CYP2B6: variants seen among roughly 807,000 people sequenced by gnomAD.
CYP2B6 encodes cytochrome P450 family 2 subfamily B member 6, also known as cytochrome P450 2B6.
Under a neutral mutation model 43.4 loss-of-function variants are expected in CYP2B6, and 35 were observed. That is an observed-to-expected ratio of 0.81 (90% confidence interval 0.62 to 1.07). The LOEUF (loss-of-function observed/expected upper bound fraction) is 1.07, where lower values mean the gene tolerates loss of function less well. Ranked by LOEUF, CYP2B6 falls within the 50% of genes least tolerant of loss-of-function variation. CYP2B6 has a pLI of 0.00. For missense variants in CYP2B6, 624 were observed against 632.8 expected (o/e 0.99, Z 0.15); for synonymous variants, 239 against 239.2 (o/e 1.00, Z 0.01).
chr19:41,002,236 C>G lies in CYP2B6; in HGVS notation c.172-1765C>G, dbSNP rs571001867. 1.6e-4 allele frequency among the ~76,000 whole-genome samples: 25 copies of G among 152,110 alleles called. 1 individual carries two copies. Among genetic ancestry groups the G allele is most frequent in the Admixed American group, 1.0e-3 (16 of 15,286 alleles). On this transcript the variant is annotated intron_variant, in intron 1 of 8. Transcript: ENST00000324071. ...TACCCTGGCTTGTGGGGCAGTGAAA[C>G]AATTGTTAAGTGGAGTAAGCATGTC... is the stretch of plus-strand genomic sequence containing the variant.
Position 41,018,329 on chromosome 19 carries a change from C to T in CYP2B6, c.*1502C>T, listed in dbSNP as rs1329035123. The T allele has an allele frequency of 6.6e-6, 1 of 152,268 alleles. No individual in the cohort carries two copies. The highest frequency in any genetic ancestry group is 6.5e-5 in the Admixed American group (1 of 15,268). The allele number at this position is 152,268 out of a possible 1,614,324, so 9.4% of individuals were successfully genotyped here. Reference sequence around the variant, plus strand: ...GGATTCTGCACTGGTGCTTTGGATTCCCTGATATGTTCCTTCAAATCTGCT... The same window carrying T: ...GGATTCTGCACTGGTGCTTTGGATTTCCTGATATGTTCCTTCAAATCTGCT... On this transcript the variant is annotated 3_prime_UTR_variant, in exon 9 of 9. Coordinates refer to ENST00000324071, the MANE Select transcript of CYP2B6 (RefSeq NM_000767.5).
rs771501582 is a variant in CYP2B6 at position 40,991,435 on chromosome 19, C to T, written c.130C>T (p.Leu44=). 3.7e-6 allele frequency: 6 copies of T among 1,614,060 alleles called. No homozygotes were observed. Among genetic ancestry groups the T allele is most frequent in the Non-Finnish European group, 5.1e-6 (6 of 1,180,036 alleles). ...CCCTCTGCCCCTTTTGGGAAACCTT[C>T]TGCAGATGGATAGAAGAGGCCTACT... is the stretch of plus-strand genomic sequence containing the variant. The part of the protein sequence containing the change: ...PRPLPLLGNL[L]QMDRRGLLKS... Residue 44 remains leucine (L), a synonymous_variant, in exon 1 of 9, where the codon CTG becomes TTG. Transcript: ENST00000324071.
In CYP2B6 at chr19:41,017,427, T is replaced by G. The variant is rs763181112; in HGVS notation, c.*600T>G. On this transcript the variant is annotated 3_prime_UTR_variant, in exon 9 of 9. Coordinates refer to ENST00000324071, the MANE Select transcript of CYP2B6 (RefSeq NM_000767.5). ...TTAAAGTGTAAAATTTAGTGGCGTG[T>G]GGTTCATTCACAAAGCTGTACAACC... The G allele has an allele frequency of 3.3e-5, 5 of 152,292 alleles. No individual in the cohort carries two copies. Among genetic ancestry groups the G allele is most frequent in the South Asian group, 2.1e-4 (1 of 4,828 alleles). The allele number at this position is 152,292 out of a possible 1,614,324, so 9.4% of individuals were successfully genotyped here.
intron 3 of CYP2B6, among the ~76,000 whole-genome samples, chr19:41,005,101 A>T (rs550102764): frequency 2.0e-5 from 3 of 152,172 alleles, no homozygotes; most frequent in Non-Finnish European, 2.9e-5. Context: ...CAGACATTTA[A>T]CAAATAATGA....
At chr19:41,004,203 G>GGGGGGGGGGGC in intron 2 of CYP2B6, 40 bp downstream of exon 2, 2 of 1,551,896 alleles carry the variant, frequency 1.3e-6, no homozygotes, top group African/African-American at 1.4e-5. Flanking sequence ...CGGGTGGGGG[G>GGGGGGGGGGGC]TGCATCAGGG....
rs1401668790 is a variant in CYP2B6 at position 40,991,298 on chromosome 19, C to G, written c.-8C>G. The G allele has an allele frequency of 6.2e-7, 1 of 1,614,012 alleles. No homozygotes were observed. The highest frequency in any genetic ancestry group is 1.1e-5 in the South Asian group (1 of 91,074). The stretch of plus-strand genomic sequence containing the variant: ...TGCAGCAGGGTGCAGGGCAGTCAGA[C>G]CAGGACCATGGAACTCAGCGTCCTC... On this transcript the variant is annotated 5_prime_UTR_variant, in exon 1 of 9. Transcript: ENST00000324071.
intron 1 of CYP2B6, among the ~76,000 whole-genome samples, chr19:40,999,809 C>T (rs1366708965): frequency 1.3e-5 from 2 of 152,090 alleles, no homozygotes; most frequent in Non-Finnish European, 2.9e-5. Context: ...CCACCTTAGC[C>T]TCCAGAGTAG....
intron 1 of CYP2B6, among the ~76,000 whole-genome samples, chr19:41,002,443 T>C (rs1048416177): frequency 5.9e-5 from 9 of 152,186 alleles, no homozygotes; most frequent in African/African-American, 2.2e-4. Flanking sequence ...GCAGGCCAAG[T>C]AGCAAGAATG....
At chr19:41,013,716 C>G (rs545655435) in intron 8 of CYP2B6, among the ~76,000 whole-genome samples, 2 of 152,224 alleles carry the variant, frequency 1.3e-5, no homozygotes, top group African/African-American at 4.8e-5. Context: ...TTCTCATCCT[C>G]TACTCTTTGG....
chr19:40,994,373 G>C (rs1252521463), intron 1 of CYP2B6, among the ~76,000 whole-genome samples: 2 of 152,148 alleles, frequency 1.3e-5, no homozygotes, highest in Non-Finnish European at 2.9e-5. Context: ...GCAGAGATCA[G>C]TTAGATTTGT....
At chr19:40,997,993 T>C (rs1969022505) in intron 1 of CYP2B6, among the ~76,000 whole-genome samples, 1 of 152,032 alleles carries the variant, frequency 6.6e-6, no homozygotes. Flanking sequence ...TCCCAGCTAC[T>C]TGGGAGACTG....
chr19:41,004,005 G>C lies in CYP2B6; in HGVS notation c.176G>C (p.Arg59Pro). ...RGLLKSFLRF[R>P]EKYGDVFTVH... ...TGGTGTGGATGTGATTGGCAGTTCC[G>C]AGAGAAATATGGGGACGTCTTCACG... Residue 59 changes from arginine to proline, a missense_variant, in exon 2 of 9, where the codon CGA becomes CCA. Coordinates refer to ENST00000324071, the MANE Select transcript of CYP2B6 (RefSeq NM_000767.5). 1.9e-6 allele frequency: 3 copies of C among 1,613,430 alleles called. No homozygotes were observed. Among genetic ancestry groups the C allele is most frequent in the Non-Finnish European group, 1.7e-6 (2 of 1,179,484 alleles).
At chr19:41,008,036 T>C (rs542172870) in intron 4 of CYP2B6, among the ~76,000 whole-genome samples, 118 of 151,350 alleles carry the variant, frequency 7.8e-4, no homozygotes, top group Non-Finnish European at 1.3e-3. Flanking sequence ...TTTTCTCCCA[T>C]TTCTCCTTCT....
rs745443266 is a variant in CYP2B6 at position 41,004,196 on chromosome 19, GT to G, written c.334+34del. The G allele has an allele frequency of 6.6e-5, 106 of 1,596,296 alleles. No individual in the cohort carries two copies. The African/African-American group carries it at 1.1e-3, about 17-fold the overall frequency. On this transcript the variant is annotated intron_variant, in intron 2 of 8. Transcript: ENST00000324071. ...CCTCAGAGGCACTGGGAGGGGGCGGGTGGGGGGTGCATCAGGGAAGGGAGTA... is the reference window on the plus strand; with the variant it reads ...CCTCAGAGGCACTGGGAGGGGGCGGGGGGGGGTGCATCAGGGAAGGGAGTA...
In CYP2B6 at chr19:41,009,155, G is replaced by A. The variant is rs577066304; in HGVS notation, c.646-64G>A. ...ATGGAGGGATTGGGGCCCAGGAGGC[G>A]CTCTCTCCCTGTGACCTGCTAGCTC... On this transcript the variant is annotated intron_variant, in intron 4 of 8. Transcript: ENST00000324071. 44 of 1,410,846 alleles carry A rather than the reference G, an allele frequency of 3.1e-5. No individual in the cohort carries two copies. In the African/African-American group the frequency reaches 4.5e-4, roughly 14 times the overall value. 87.4% of individuals were successfully genotyped at this position (1,410,846 alleles called of 1,614,324 possible).
chr19:40,993,163 T>C (rs1463213361), intron 1 of CYP2B6, among the ~76,000 whole-genome samples: 1 of 152,150 alleles, frequency 6.6e-6, no homozygotes, highest in Non-Finnish European at 1.5e-5. Context: ...TATAGAGACA[T>C]TCATTTGTAG....
intron 1 of CYP2B6, among the ~76,000 whole-genome samples, chr19:40,999,600 C>A (rs1168054021): frequency 6.6e-6 from 1 of 151,984 alleles, no homozygotes; most frequent in African/African-American, 2.4e-5. Context: ...ATTTTGTATA[C>A]TAAAATGAGT....
At chr19:41,009,113 G>A (rs202050252) in intron 4 of CYP2B6, 106 bp from the exon 5 acceptor site, 182,259 of 818,604 alleles carry the variant, frequency 0.22, 18,590 homozygotes, top group South Asian at 0.35. Context: ...AGAGGGGAGT[G>A]GGGAAGTGGG....
chr19:40,993,213 A>G (rs1420973153), intron 1 of CYP2B6, among the ~76,000 whole-genome samples: 3 of 152,090 alleles, frequency 2.0e-5, no homozygotes, highest in Non-Finnish European at 4.4e-5. Context: ...ACCCACTAGA[A>G]GAAACATTAA....
Sources: gnomAD v4.1 joint callset for allele counts (sites outside exome capture counted in the v4.1 genomes callset) on GRCh38, gnomAD v4.1.1 for gene constraint, MANE v1.5 for transcripts, NCBI Gene and HGNC (gene_info 2026-07-23, HGNC 2026-07-21) for gene names.